The following RYR3 variants were observed in gnomAD, a reference collection of about 807,000 sequenced individuals.
The protein encoded by RYR3 is ryanodine receptor 3, also known as brain ryanodine receptor-calcium release channel.
RYR3 carries 207 observed loss-of-function variants against 584.3 expected under a neutral mutation model. The ratio of observed to expected loss-of-function variants is 0.35; its 90% CI spans 0.32 to 0.40. The LOEUF (loss-of-function observed/expected upper bound fraction) is 0.40. RYR3 is among the 10% of genes least tolerant of loss of function. The pLI is 1.00. For missense variants in RYR3, 5,616 were observed against 6,089.2 expected, an observed-to-expected ratio of 0.92 and a Z score of 2.59; for synonymous variants, 2,416 against 2,248.5, an observed-to-expected ratio of 1.07 and a Z score of -2.11.
intron 1 of RYR3, among the ~76,000 whole-genome samples, chr15:33,396,991 T>C (rs943437901): frequency 1.3e-5 from 2 of 152,150 alleles, no homozygotes; most frequent in African/African-American, 4.8e-5. Context: ...ACTTCTGTAA[T>C]AAAGGCAAAA....
At chr15:33,865,088 A>C in intron 103 of RYR3, 43 bp from the exon 104 acceptor site, 1 of 1,497,628 alleles carries the variant, frequency 6.7e-7, no homozygotes, top group South Asian at 1.1e-5. Flanking sequence ...TTTAGCTTTT[A>C]CTGTGGTTTA....
intron 6 of RYR3, 95 bp downstream of exon 6, chr15:33,539,557 G>C (rs1416932748): frequency 1.4e-6 from 1 of 725,134 alleles, no homozygotes; most frequent in Non-Finnish European, 2.4e-6. Context: ...AGGTTGGATA[G>C]AATAAGATGC....
intron 38 of RYR3, among the ~76,000 whole-genome samples, chr15:33,671,857 C>A (rs1316030790): frequency 1.5e-5 from 2 of 135,090 alleles, no homozygotes; most frequent in Non-Finnish European, 3.1e-5. Context: ...CTCTGTCACC[C>A]AGGCTGGAGT....
At chr15:33,599,090 T>G (rs949222646) in intron 16 of RYR3, among the ~76,000 whole-genome samples, 3 of 152,090 alleles carry the variant, frequency 2.0e-5, no homozygotes, top group African/African-American at 7.2e-5. Context: ...AAACAGACTT[T>G]AGATCTCAAC....
intron 67 of RYR3, among the ~76,000 whole-genome samples, chr15:33,789,658 ATTTTTTTTTTTTTTTTTTTTT>A (rs869151934): frequency 7.8e-5 from 1 of 12,776 alleles, no homozygotes; most frequent in Non-Finnish European, 1.3e-4. Context: ...ATATATATAT[ATTTTTTTTTTTTTTTTTTTTT>A]TTTTTTTTTT....
At chr15:33,678,661 A>G (rs1012958631) in intron 38 of RYR3, among the ~76,000 whole-genome samples, 3 of 152,366 alleles carry the variant, frequency 2.0e-5, no homozygotes, top group African/African-American at 7.2e-5. Flanking sequence ...ATAGAAGTGT[A>G]CATACCCAAA....
chr15:33,477,873 T>A (rs2049546896), intron 2 of RYR3, among the ~76,000 whole-genome samples: 2 of 37,998 alleles, frequency 5.3e-5, no homozygotes, highest in East Asian at 6.8e-4. Flanking sequence ...AGATTCTGTC[T>A]CAAGAAAAAA....
At chr15:33,854,284 T>C (rs1228043391) in intron 96 of RYR3, 105 bp from the exon 97 acceptor site, 6 of 817,898 alleles carry the variant, frequency 7.3e-6, no homozygotes, top group African/African-American at 3.5e-5. Context: ...GAGAGCCATA[T>C]TTAGGTTATT....
At chr15:33,366,587 A>G (rs1975529392) in intron 1 of RYR3, among the ~76,000 whole-genome samples, 1 of 152,220 alleles carries the variant, frequency 6.6e-6, no homozygotes, top group Non-Finnish European at 1.5e-5. Flanking sequence ...ATCTGAGGCA[A>G]CAGGGTGCTG....
intron 19 of RYR3, among the ~76,000 whole-genome samples, chr15:33,617,872 T>C (rs2060529814): frequency 6.6e-6 from 1 of 152,222 alleles, no homozygotes; most frequent in African/African-American, 2.4e-5. Context: ...ATCAATGTCA[T>C]AGCCTCTTTT....
At chr15:33,498,940 C>A (rs1477700283) in intron 2 of RYR3, among the ~76,000 whole-genome samples, 1 of 152,020 alleles carries the variant, frequency 6.6e-6, no homozygotes, top group Non-Finnish European at 1.5e-5. Context: ...CTGTTCTTTC[C>A]CCAGGGTATG....
At chr15:33,356,528 AAAT>A (rs1203526885) in intron 1 of RYR3, among the ~76,000 whole-genome samples, 1 of 152,174 alleles carries the variant, frequency 6.6e-6, no homozygotes, top group Non-Finnish European at 1.5e-5. Flanking sequence ...CAGATCTAAG[AAAT>A]AATGATAATT....
chr15:33,833,126 T>C (rs536393795), intron 86 of RYR3, among the ~76,000 whole-genome samples: 1 of 152,286 alleles, frequency 6.6e-6, no homozygotes, highest in East Asian at 1.9e-4. Context: ...GAGATAGGAT[T>C]ATGCGTGGCT....
chr15:33,473,894 C>A (rs1245921176), intron 2 of RYR3, among the ~76,000 whole-genome samples: 8 of 152,142 alleles, frequency 5.3e-5, no homozygotes, highest in Non-Finnish European at 1.0e-4. Context: ...TTACTCCCTG[C>A]TGTTGTTCTA....
At position 33,811,227 on chromosome 15, in the gene RYR3, T is replaced by C. The variant is rs1325911673; in HGVS notation, c.10257+190T>C. Among the ~76,000 whole-genome samples the C allele has an allele frequency of 3.9e-5, 6 of 152,152 alleles. No homozygotes were observed. The South Asian group carries it at 1.2e-3, about 32-fold the overall frequency. ...TTTTAAAAATTTACTGGTACATGGC[T>C]GGGCGCGGTGGCTCACACCTGTAAT... On this transcript the variant is annotated intron_variant, in intron 72 of 103. Transcript: ENST00000634891.
intron 48 of RYR3, among the ~76,000 whole-genome samples, chr15:33,736,018 A>G (rs2069429076): frequency 1.3e-5 from 2 of 152,180 alleles, no homozygotes. Flanking sequence ...TTAGAATTCC[A>G]CTTCGGGTAT....
intron 3 of RYR3, among the ~76,000 whole-genome samples, chr15:33,512,071 C>T (rs926546637): frequency 2.6e-5 from 4 of 152,210 alleles, no homozygotes; most frequent in African/African-American, 7.2e-5. Context: ...AGCCACCGCG[C>T]CCGGCTGCAA....
chr15:33,600,534 C>A (rs1271921101), intron 16 of RYR3, among the ~76,000 whole-genome samples: 1 of 151,896 alleles, frequency 6.6e-6, no homozygotes, highest in Non-Finnish European at 1.5e-5. Flanking sequence ...GAGAGGTGAG[C>A]GTGCAGGACA....
chr15:33,755,277 A>G, intron 58 of RYR3, 97 bp downstream of exon 58: 2 of 790,558 alleles, frequency 2.5e-6, no homozygotes, highest in South Asian at 3.3e-5. Context: ...ATTTAGGTGC[A>G]TGATTTTAGG....
Sources: gnomAD v4.1 joint callset for allele counts (sites outside exome capture counted in the v4.1 genomes callset) on GRCh38, gnomAD v4.1.1 for gene constraint, MANE v1.5 for transcripts, NCBI Gene and HGNC (gene_info 2026-07-23, HGNC 2026-07-21) for gene names.